The following HIP1 variants were observed in gnomAD, a reference collection of about 807,000 sequenced individuals.
HIP1 encodes huntingtin interacting protein 1, also known as huntingtin-interacting protein 1.
HIP1 carries 65 observed loss-of-function variants against 147.6 expected under a neutral mutation model. That is an observed-to-expected ratio of 0.44 (90% confidence interval 0.36 to 0.54). The LOEUF is 0.54. HIP1 is among the 20% of genes least tolerant of loss of function. The pLI is 0.00. For synonymous variants in HIP1, 479 were observed against 504.0 expected (o/e 0.95, Z 0.67); for missense variants, 1,061 against 1,299.6 (o/e 0.82, Z 2.82).
At chr7:75,657,528 A>C (rs1799179154) in intron 1 of HIP1, among the ~76,000 whole-genome samples, 1 of 138,970 alleles carries the variant, frequency 7.2e-6, no homozygotes, top group South Asian at 2.1e-4. Context: ...CTTTGTCTCA[A>C]AAAAAAAAAA....
rs1288298168 is a variant in HIP1, at chr7:75,568,917, G to A, written c.746-661C>T. 4.6e-5 allele frequency among the ~76,000 whole-genome samples: 7 copies of A among 152,352 alleles called. No homozygotes were observed. Among genetic ancestry groups the A allele is most frequent in the South Asian group, 2.1e-4 (1 of 4,834 alleles). On this transcript the variant is annotated intron_variant, in intron 8 of 30. Coordinates refer to ENST00000336926, the MANE Select transcript of HIP1 (RefSeq NM_005338.7). This position sits in a 1 kb window ranked among gnomAD's most constrained non-coding sequence, Gnocchi z 4.1. ...CCAGCTACTTGGGAGGCTGAGGCAG[G>A]AGAATTGCTTGAACCCAGCAGGCGG...
chr7:75,562,384 G>A (rs1795257864), intron 11 of HIP1, among the ~76,000 whole-genome samples: 1 of 152,150 alleles, frequency 6.6e-6, no homozygotes, highest in South Asian at 2.1e-4. Context: ...CCAACTCCTG[G>A]CTCAAGTGAT....
intron 29 of HIP1, among the ~76,000 whole-genome samples, chr7:75,541,467 C>A (rs1794310073): frequency 6.7e-6 from 1 of 150,192 alleles, no homozygotes; most frequent in Admixed American, 6.7e-5. Flanking sequence ...AGAGAGGGAG[C>A]TTGCAGTGAG....
At chr7:75,603,817 G>A (rs1554503408) in intron 1 of HIP1, among the ~76,000 whole-genome samples, 1 of 151,530 alleles carries the variant, frequency 6.6e-6, no homozygotes, top group Admixed American at 6.6e-5. Flanking sequence ...AGGTTGCAGT[G>A]AGCCGTGATC....
chr7:75,710,967 A>G (rs2117351158), intron 1 of HIP1, among the ~76,000 whole-genome samples: 1 of 152,314 alleles, frequency 6.6e-6, no homozygotes, highest in Admixed American at 6.5e-5. Flanking sequence ...CAAACCTTTT[A>G]AATTACTCAT....
intron 1 of HIP1, among the ~76,000 whole-genome samples, chr7:75,709,369 T>A (rs999028571): frequency 1.3e-5 from 2 of 152,156 alleles, no homozygotes; most frequent in Admixed American, 1.3e-4. Flanking sequence ...CACCTAGGCC[T>A]CCCAAAGTGC....
intron 1 of HIP1, among the ~76,000 whole-genome samples, chr7:75,623,600 A>G (rs1797934005): frequency 6.6e-6 from 1 of 152,140 alleles, no homozygotes; most frequent in Non-Finnish European, 1.5e-5. Flanking sequence ...AGAGCTCAGG[A>G]TTTGAGGAAT....
intron 1 of HIP1, among the ~76,000 whole-genome samples, chr7:75,619,127 A>C (rs1345897930): frequency 6.6e-6 from 1 of 152,102 alleles, no homozygotes; most frequent in Non-Finnish European, 1.5e-5. Flanking sequence ...TCCACCCCCA[A>C]ATTGGACTCA....
rs1228232428 is a variant in HIP1, at chr7:75,638,015, C to T, written c.121-38768G>A. On this transcript the variant is annotated intron_variant, in intron 1 of 30. Transcript: ENST00000336926. ...CCCCACACACACACATACACACACA[C>T]ACACACACACACACACACAGCCCAC... Among the ~76,000 whole-genome samples the T allele has an allele frequency of 1.4e-4, 14 of 101,932 alleles. 1 individual carries two copies. The East Asian group carries it at 1.4e-3, about 11-fold the overall frequency. The allele number at this position is 101,932 out of a possible 152,430, so 66.9% of individuals were successfully genotyped here.
intron 1 of HIP1, among the ~76,000 whole-genome samples, chr7:75,731,257 C>T (rs947457222): frequency 1.4e-4 from 21 of 151,356 alleles, no homozygotes; most frequent in Admixed American, 7.9e-4. Context: ...CCAAGGTGGG[C>T]GGATCACTTG....
At position 75,563,646 on chromosome 7, in the gene HIP1, G is replaced by A. The variant is rs988097010; in HGVS notation, c.804-383C>T. Among the ~76,000 whole-genome samples the A allele has an allele frequency of 1.1e-4, 16 of 152,316 alleles. 1 individual carries two copies. Among genetic ancestry groups the A allele is most frequent in the African/African-American group, 3.8e-4 (16 of 41,568 alleles). ...TAAGCCATCTAACCATAGGAAAAGG[G>A]AAGGGAATTTTACTACAAAGGTAGC... On this transcript the variant is annotated intron_variant, in intron 9 of 30. Transcript: ENST00000336926.
At chr7:75,616,610 G>GAGGAGGAGT in intron 1 of HIP1, among the ~76,000 whole-genome samples, 1 of 99,834 alleles carries the variant, frequency 1.0e-5, no homozygotes, top group Admixed American at 1.1e-4. Context: ...GGAGGAGGAG[G>GAGGAGGAGT]AGGAAGAGGA....
chr7:75,652,629 T>A (rs1799033582), intron 1 of HIP1, among the ~76,000 whole-genome samples: 1 of 151,982 alleles, frequency 6.6e-6, no homozygotes, highest in Non-Finnish European at 1.5e-5. Flanking sequence ...CCTCCCGAAG[T>A]GCTGGGACTA....
At chr7:75,669,057 A>C (rs564613386) in intron 1 of HIP1, among the ~76,000 whole-genome samples, 1 of 150,292 alleles carries the variant, frequency 6.7e-6, no homozygotes, top group Non-Finnish European at 1.5e-5. Flanking sequence ...GTTTCTACTT[A>C]AAACAAACAA....
intron 1 of HIP1, among the ~76,000 whole-genome samples, chr7:75,651,612 C>G (rs189204950): frequency 1.8e-4 from 27 of 151,942 alleles, no homozygotes; most frequent in African/African-American, 5.1e-4. Flanking sequence ...ATCTGTGTAG[C>G]CTTGGGTGGG....
intron 1 of HIP1, among the ~76,000 whole-genome samples, chr7:75,677,565 A>C (rs560646901): frequency 7.0e-6 from 1 of 142,870 alleles, no homozygotes; most frequent in African/African-American, 2.6e-5. Context: ...AGATCGCGCC[A>C]CTGTGTTCCA....
intron 28 of HIP1, among the ~76,000 whole-genome samples, chr7:75,542,290 G>A (rs1794351998): frequency 6.6e-6 from 1 of 151,842 alleles, no homozygotes; most frequent in African/African-American, 2.4e-5. Flanking sequence ...CAGCTACTTG[G>A]GAGGCTAAGG....
intron 1 of HIP1, among the ~76,000 whole-genome samples, chr7:75,732,090 A>G (rs1483209000): frequency 6.6e-6 from 1 of 152,094 alleles, no homozygotes; most frequent in Non-Finnish European, 1.5e-5. Flanking sequence ...TAAACATGAA[A>G]AAAAGGACTT....
chr7:75,610,693 C>T (rs782675605), intron 1 of HIP1, among the ~76,000 whole-genome samples: 2 of 151,768 alleles, frequency 1.3e-5, no homozygotes, highest in African/African-American at 4.8e-5. Flanking sequence ...CTTCCCAGCA[C>T]TCTCGCCTCT....
Sources: gnomAD v4.1 joint callset for allele counts (sites outside exome capture counted in the v4.1 genomes callset) on GRCh38, gnomAD v4.1.1 for gene constraint, Gnocchi (gnomAD v3.1) non-coding constraint, MANE v1.5 for transcripts, NCBI Gene and HGNC (gene_info 2026-07-23, HGNC 2026-07-21) for gene names.